The following NFIB variants were observed in gnomAD, a reference collection of about 807,000 sequenced individuals.
NFIB encodes the protein nuclear factor I B.
A neutral mutation model predicts 61.5 loss-of-function variants in NFIB; 11 were observed. The ratio of observed to expected loss-of-function variants is 0.18; its 90% CI spans 0.11 to 0.30. NFIB has a LOEUF of 0.30. Ranked by LOEUF, NFIB falls within the 10% of genes least tolerant of loss-of-function variation. NFIB has a pLI of 1.00. For synonymous variants in NFIB, 260 were observed against 216.5 expected (o/e 1.20, Z -1.76); for missense variants, 471 against 608.9 (o/e 0.77, Z 2.38).
At chr9:14,405,112 T>C in the NFIB span, among the ~76,000 whole-genome samples, 1 of 152,198 alleles carries the variant, frequency 6.6e-6, no homozygotes, top group South Asian at 2.1e-4. Context: ...GTCTGATCCA[T>C]AAAGTCCTCC....
chr9:14,125,854 C>T, intron 6 of NFIB, 88 bp from the exon 7 acceptor site: 1 of 1,521,164 alleles, frequency 6.6e-7, no homozygotes, highest in Non-Finnish European at 8.8e-7. Context: ...CATCTTGCAA[C>T]ATTTTAGTAT....
chr9:14,401,584 C>G (rs1298440932), upstream of NFIB, among the ~76,000 whole-genome samples: 1 of 152,160 alleles, frequency 6.6e-6, no homozygotes, highest in East Asian at 1.9e-4. Flanking sequence ...GTTAAGTATT[C>G]TATATTCCCT....
chr9:14,411,692 G>A, the NFIB span, among the ~76,000 whole-genome samples: 2 of 152,070 alleles, frequency 1.3e-5, no homozygotes, highest in Non-Finnish European at 2.9e-5. Flanking sequence ...CACCTAGACT[G>A]GATGAGGATG....
At chr9:14,091,607 C>T (rs2118564440) in intron 10 of NFIB, among the ~76,000 whole-genome samples, 1 of 152,028 alleles carries the variant, frequency 6.6e-6, no homozygotes, top group Admixed American at 6.6e-5. Context: ...AATATTCAAG[C>T]TCAAATTCAG....
At chr9:14,497,034 T>C in the NFIB span, among the ~76,000 whole-genome samples, 1 of 152,192 alleles carries the variant, frequency 6.6e-6, no homozygotes, top group Non-Finnish European at 1.5e-5. Context: ...CTACTTAATA[T>C]TTTCATAAGC....
intron 1 of NFIB, among the ~76,000 whole-genome samples, chr9:14,337,584 T>A (rs1418387897): frequency 6.6e-6 from 1 of 152,220 alleles, no homozygotes; most frequent in Admixed American, 6.5e-5. Context: ...GAAGTGCACA[T>A]CTCCTCACTT....
the NFIB span, among the ~76,000 whole-genome samples, chr9:14,421,245 T>G: frequency 6.6e-6 from 1 of 152,178 alleles, no homozygotes; most frequent in South Asian, 2.1e-4. Flanking sequence ...ACAATCATAT[T>G]AATTGAAATG....
the NFIB span, among the ~76,000 whole-genome samples, chr9:14,447,775 G>A: frequency 6.6e-6 from 1 of 152,056 alleles, no homozygotes; most frequent in Non-Finnish European, 1.5e-5. Context: ...CCCATTCCCT[G>A]TATCTTAGAA....
At chr9:14,299,339 T>C (rs1352661813) in intron 2 of NFIB, among the ~76,000 whole-genome samples, 3 of 152,220 alleles carry the variant, frequency 2.0e-5, no homozygotes, top group African/African-American at 7.2e-5. Context: ...TGTCGCTTAA[T>C]ATTAATGGAT....
intron 2 of NFIB, among the ~76,000 whole-genome samples, chr9:14,275,614 C>T (rs1246767833): frequency 1.3e-5 from 2 of 152,066 alleles, no homozygotes; most frequent in Admixed American, 6.6e-5. Context: ...ATATCCTTGG[C>T]ATCTTAATTT....
chr9:14,247,953 G>C (rs2055125760), intron 2 of NFIB, among the ~76,000 whole-genome samples: 1 of 135,120 alleles, frequency 7.4e-6, no homozygotes, highest in Non-Finnish European at 1.6e-5. Context: ...TTTTTTTTGA[G>C]ACAGGGTCTC....
At chr9:14,331,371 C>T (rs145368646) in intron 1 of NFIB, among the ~76,000 whole-genome samples, 2 of 152,322 alleles carry the variant, frequency 1.3e-5, no homozygotes, top group East Asian at 1.9e-4. Context: ...CAGGACTTGC[C>T]TTGGAGGCTT....
the NFIB span, among the ~76,000 whole-genome samples, chr9:14,418,211 C>G: frequency 6.6e-6 from 1 of 152,126 alleles, no homozygotes; most frequent in Admixed American, 6.5e-5. Context: ...CGTCCCTGCA[C>G]CCCCACCCTC....
At chr9:14,237,172 C>T (rs2053825737) in intron 2 of NFIB, among the ~76,000 whole-genome samples, 1 of 152,140 alleles carries the variant, frequency 6.6e-6, no homozygotes, top group African/African-American at 2.4e-5. Flanking sequence ...GGTAAAATCA[C>T]ACTTCTGAAA....
chr9:14,427,153 G>A, the NFIB span, among the ~76,000 whole-genome samples: 53 of 152,178 alleles, frequency 3.5e-4, no homozygotes, highest in Admixed American at 3.1e-3. Flanking sequence ...TGCAAGTGCC[G>A]ATTGACTTAA....
chr9:14,480,160 T>G, the NFIB span, among the ~76,000 whole-genome samples: 3 of 152,140 alleles, frequency 2.0e-5, no homozygotes, highest in South Asian at 4.1e-4. Context: ...TATGGGGTCT[T>G]TATTTCATCT....
intron 1 of NFIB, among the ~76,000 whole-genome samples, chr9:14,375,687 A>C (rs1371472718): frequency 2.0e-5 from 3 of 151,932 alleles, no homozygotes; most frequent in Non-Finnish European, 4.4e-5. Flanking sequence ...ACCTGGGAAC[A>C]TTTTCACTTA....
intron 8 of NFIB, among the ~76,000 whole-genome samples, chr9:14,117,360 A>G (rs1322467537): frequency 2.6e-5 from 4 of 152,050 alleles, no homozygotes; most frequent in African/African-American, 9.7e-5. Flanking sequence ...AGTGGAATAT[A>G]TTTTTCTAGA....
At chr9:14,337,400 A>T (rs1161145543) in intron 1 of NFIB, among the ~76,000 whole-genome samples, 1 of 152,252 alleles carries the variant, frequency 6.6e-6, no homozygotes, top group East Asian at 1.9e-4. Context: ...AAATCAAAAT[A>T]AAAAAGTAAA....
Sources: allele counts gnomAD v4.1 joint callset (sites outside exome capture counted in the v4.1 genomes callset), GRCh38; gene constraint gnomAD v4.1.1; transcripts MANE v1.5; gene names NCBI Gene and HGNC (gene_info 2026-07-23, HGNC 2026-07-21).